The following HHAT variants were observed in gnomAD, a reference collection of about 807,000 sequenced individuals.
HHAT encodes the protein protein-cysteine N-palmitoyltransferase HHAT.
HHAT carries 47 observed loss-of-function variants against 70.8 expected under a neutral mutation model. The ratio of observed to expected loss-of-function variants is 0.66; its 90% CI spans 0.53 to 0.85. The LOEUF (loss-of-function observed/expected upper bound fraction) is 0.85. Ranked by LOEUF, HHAT falls within the 40% of genes least tolerant of loss-of-function variation. HHAT has a pLI of 0.00. For missense variants in HHAT, 609 were observed against 604.8 expected (o/e 1.01, Z -0.07); for synonymous variants, 228 against 247.6 (o/e 0.92, Z 0.74).
At position 210,674,334 on chromosome 1, in the gene HHAT, C is replaced by T; in HGVS notation, c.1437C>T (p.Tyr479=). 1 of 1,614,220 alleles carries T rather than the reference C, an allele frequency of 6.2e-7. No individual in the cohort carries two copies. Among genetic ancestry groups the T allele is most frequent in the Non-Finnish European group, 8.5e-7 (1 of 1,180,034 alleles). The stretch of plus-strand genomic sequence containing the variant: ...CTGTCCTGGGATTCCTGTACTGCTA[C>T]TCCCACGTGGGCATTGCCTGGGCCC... The part of the protein sequence containing the change: ...TLSVLGFLYC[Y]SHVGIAWAQT... Residue 479 remains tyrosine (Y), a synonymous_variant, in exon 12 of 12, where the codon TAC becomes TAT. Transcript: ENST00000261458.
chr1:210,603,652 T>C (rs1201497597), intron 10 of HHAT, among the ~76,000 whole-genome samples: 3 of 152,218 alleles, frequency 2.0e-5, no homozygotes, highest in African/African-American at 4.8e-5. Flanking sequence ...TGTATTTATA[T>C]ATGTACATAT....
intron 9 of HHAT, among the ~76,000 whole-genome samples, chr1:210,542,337 T>C (rs567914559): frequency 6.6e-6 from 1 of 152,310 alleles, no homozygotes; most frequent in East Asian, 1.9e-4. Flanking sequence ...ACCAGGGACA[T>C]GGTCATCCCT....
At position 210,450,910 on chromosome 1, in the gene HHAT, G is replaced by A. The variant is rs749546869; in HGVS notation, c.857-13595G>A. Among the ~76,000 whole-genome samples, 20 of 151,840 alleles carry A rather than the reference G, an allele frequency of 1.3e-4. No individual in the cohort carries two copies. In the East Asian group the frequency reaches 1.4e-3, roughly 10 times the overall value. On this transcript the variant is annotated intron_variant, in intron 7 of 11. Coordinates refer to ENST00000261458, the MANE Select transcript of HHAT (RefSeq NM_018194.6). ...ATCCTGGCTAACACGGTGAAACCCCGTCTCTACTAAAAATACAAAAACAAA... is the reference window on the plus strand; with the variant it reads ...ATCCTGGCTAACACGGTGAAACCCCATCTCTACTAAAAATACAAAAACAAA...
At chr1:210,644,432 G>A (rs759268076) in intron 11 of HHAT, among the ~76,000 whole-genome samples, 5 of 151,726 alleles carry the variant, frequency 3.3e-5, no homozygotes, top group Non-Finnish European at 7.4e-5. Context: ...GTGAAATCCC[G>A]TCTCTACTAA....
intron 7 of HHAT, among the ~76,000 whole-genome samples, chr1:210,453,682 T>A (rs1230972086): frequency 1.3e-5 from 2 of 152,232 alleles, no homozygotes; most frequent in Non-Finnish European, 2.9e-5. Context: ...GGTTGACATA[T>A]GGAAATCTGA....
At chr1:210,612,934 T>C (rs1666886327) in intron 10 of HHAT, among the ~76,000 whole-genome samples, 2 of 152,362 alleles carry the variant, frequency 1.3e-5, no homozygotes, top group Admixed American at 1.3e-4. Context: ...GATAAATGTC[T>C]ATTCAAATTC....
intron 9 of HHAT, among the ~76,000 whole-genome samples, chr1:210,529,797 C>T (rs910778225): frequency 6.6e-6 from 1 of 152,154 alleles, no homozygotes; most frequent in Non-Finnish European, 1.5e-5. Context: ...GCGGTGTCAC[C>T]AGAAGCGGAG....
intron 9 of HHAT, among the ~76,000 whole-genome samples, chr1:210,586,592 G>C (rs1258578377): frequency 6.6e-6 from 1 of 152,216 alleles, no homozygotes; most frequent in Non-Finnish European, 1.5e-5. Context: ...TGCTGGGGCA[G>C]TAGGTATAAA....
At chr1:210,445,711 G>T (rs185462799) in intron 7 of HHAT, among the ~76,000 whole-genome samples, 1 of 152,286 alleles carries the variant, frequency 6.6e-6, no homozygotes, top group Non-Finnish European at 1.5e-5. Flanking sequence ...TTTGAGAGAG[G>T]TGGTTGGTGG....
intron 1 of HHAT, among the ~76,000 whole-genome samples, chr1:210,341,831 G>T (rs893122732): frequency 2.6e-5 from 4 of 152,082 alleles, no homozygotes; most frequent in African/African-American, 7.2e-5. Context: ...CAACCTTGGG[G>T]TGTTTGTACC....
intron 7 of HHAT, among the ~76,000 whole-genome samples, chr1:210,424,734 T>G (rs1184526681): frequency 6.6e-6 from 1 of 152,206 alleles, no homozygotes; most frequent in Admixed American, 6.5e-5. Context: ...CCACATTTTC[T>G]TTATCCAGGC....
At chr1:210,392,675 A>G (rs77908418) in intron 4 of HHAT, among the ~76,000 whole-genome samples, 4,037 of 152,232 alleles carry the variant, frequency 0.027, 178 homozygotes, top group African/African-American at 0.086. Context: ...GCTTCAAGCG[A>G]TCCTCCCACC....
intron 9 of HHAT, among the ~76,000 whole-genome samples, chr1:210,572,892 C>A (rs1164735047): frequency 6.6e-6 from 1 of 152,140 alleles, no homozygotes; most frequent in African/African-American, 2.4e-5. Context: ...TGAGACCCCC[C>A]ACTCAAACTC....
chr1:210,398,102 G>A (rs1349033107), intron 4 of HHAT, among the ~76,000 whole-genome samples: 2 of 152,228 alleles, frequency 1.3e-5, no homozygotes, highest in South Asian at 4.1e-4. Context: ...AGGTTCAAGC[G>A]ATTCTCCTCT....
chr1:210,620,319 T>A (rs527767430), intron 10 of HHAT, among the ~76,000 whole-genome samples: 3 of 152,246 alleles, frequency 2.0e-5, no homozygotes, highest in Admixed American at 2.0e-4. Flanking sequence ...GCCAGGAGGT[T>A]CCCAAGGTGG....
At chr1:210,432,477 A>T (rs1208498155) in intron 7 of HHAT, among the ~76,000 whole-genome samples, 1 of 152,008 alleles carries the variant, frequency 6.6e-6, no homozygotes, top group African/African-American at 2.4e-5. Context: ...ATGGGAGGTC[A>T]TAATTGACTT....
intron 11 of HHAT, among the ~76,000 whole-genome samples, chr1:210,664,107 T>C (rs897054411): frequency 2.6e-5 from 4 of 152,242 alleles, no homozygotes; most frequent in African/African-American, 9.6e-5. Flanking sequence ...TCCAGTGGTT[T>C]ATAGGCTCAG....
intron 8 of HHAT, among the ~76,000 whole-genome samples, chr1:210,471,049 C>T (rs1432797617): frequency 1.3e-5 from 2 of 152,078 alleles, no homozygotes; most frequent in Admixed American, 1.3e-4. Flanking sequence ...TCCTCAGTGC[C>T]CAGCATTCAG....
At chr1:210,423,793 A>G (rs1447223978) in intron 7 of HHAT, among the ~76,000 whole-genome samples, 1 of 152,036 alleles carries the variant, frequency 6.6e-6, no homozygotes, top group Non-Finnish European at 1.5e-5. Flanking sequence ...TGTTGAACAG[A>G]TTGTCCTTTC....
Sources: allele counts gnomAD v4.1 joint callset (sites outside exome capture counted in the v4.1 genomes callset), GRCh38; gene constraint gnomAD v4.1.1; transcripts MANE v1.5; gene names NCBI Gene and HGNC (gene_info 2026-07-23, HGNC 2026-07-21).